Variants in AP1G2 observed in about 807,000 individuals in gnomAD.
AP1G2 encodes AP-1 complex subunit gamma-like 2.
In AP1G2, 85 loss-of-function variants were observed where a neutral mutation model predicts 95.8. That is an observed-to-expected ratio of 0.89 (90% CI 0.74 to 1.06). The LOEUF (loss-of-function observed/expected upper bound fraction) is 1.06. Ranked by LOEUF, AP1G2 falls within the 50% of genes least tolerant of loss-of-function variation. The pLI, the probability that AP1G2 is intolerant of heterozygous loss-of-function variation, is 0.00. For missense variants in AP1G2, 967 were observed against 1,005.8 expected (o/e 0.96, Z 0.52); for synonymous variants, 378 against 400.0 (o/e 0.94, Z 0.66).
intron 14 of AP1G2, chr14:23,562,834 C>A (rs1443741927): frequency 5.2e-6 from 3 of 571,668 alleles, no homozygotes; most frequent in Non-Finnish European, 9.1e-6. Context: ...TGGCAATATC[C>A]CTTTAGGCAG....
intron 7 of AP1G2, 131 bp downstream of exon 7, chr14:23,565,466 GACCCGAGCA>G: frequency 1.3e-6 from 1 of 792,120 alleles, no homozygotes; most frequent in East Asian, 2.7e-5. Context: ...GTCCTGGGAT[GACCCGAGCA>G]ATCCTGTGCC....
At chr14:23,560,168 TCA>T in intron 20 of AP1G2, 85 bp downstream of exon 20, 1 of 1,535,288 alleles carries the variant, frequency 6.5e-7, no homozygotes, top group Non-Finnish European at 8.9e-7. Flanking sequence ...CAATCCCATC[TCA>T]CACTGTCTCC....
chr14:23,562,710 C>T lies in AP1G2; in HGVS notation c.1411-117G>A. 3 of 979,314 alleles carry T rather than the reference C, an allele frequency of 3.1e-6. 1 individual carries two copies. The highest frequency in any genetic ancestry group is 4.5e-6 in the Non-Finnish European group (3 of 673,572). 60.7% of individuals were successfully genotyped at this position (979,314 alleles called of 1,614,324 possible). On this transcript the variant is annotated intron_variant, in intron 14 of 21. Coordinates refer to ENST00000397120, the MANE Select transcript of AP1G2 (RefSeq NM_003917.5). ...TTGAGACCAGGAGTTCAAGACCAGC[C>T]TGGGCAACAAAGCGAGACCCCCCCC...
rs780338735 is a variant in AP1G2, at chr14:23,567,333, G to A, written c.-5-14C>T. On this transcript the variant is annotated splice_polypyrimidine_tract_variant and intron_variant, in intron 1 of 21. Coordinates refer to ENST00000397120, the MANE Select transcript of AP1G2 (RefSeq NM_003917.5). The surrounding 1 kb of genome is among the most constrained non-coding windows in gnomAD (Gnocchi z 5.3). Reference sequence around the variant, plus strand: ...CCACCATCCTGACTGGCAGAGTCCGGGAGTGGAGAAACACTCTCTGGTCGG... The same window carrying A: ...CCACCATCCTGACTGGCAGAGTCCGAGAGTGGAGAAACACTCTCTGGTCGG... The A allele has an allele frequency of 1.2e-6, 2 of 1,609,380 alleles. No individual in the cohort carries two copies. Among genetic ancestry groups the A allele is most frequent in the Middle Eastern group, 1.7e-4 (1 of 5,742 alleles).
chr14:23,562,445 G>A (rs1157204623), intron 15 of AP1G2, 30 bp from the exon 16 acceptor site: 1 of 1,614,050 alleles, frequency 6.2e-7, no homozygotes, highest in South Asian at 1.1e-5. Context: ...TAGTGGCCCT[G>A]GTGCAAGTCC....
In AP1G2 at chr14:23,566,681, C is replaced by T. The variant is rs1488618130; in HGVS notation, c.210G>A (p.Glu70=). The change falls in exon 3 of 22, where the codon GAG becomes GAA. Residue 70 remains glutamate, a synonymous_variant. Coordinates refer to ENST00000397120, the MANE Select transcript of AP1G2 (RefSeq NM_003917.5). ...TGGAGGAGGCGATCAGTTTCAGGCA[C>T]TCCATCTATAGTGAAGGGGGCAGAC... ...LGYPAHFGQM[E]CLKLIASSRF... is the part of the protein sequence containing the mutation. The T allele has an allele frequency of 1.2e-6, 2 of 1,614,164 alleles. No individual in the cohort carries two copies. The highest frequency in any genetic ancestry group is 3.3e-5 in the Admixed American group (2 of 60,024).
At position 23,566,073 on chromosome 14, in the gene AP1G2, G is replaced by A. The variant is rs762507438; in HGVS notation, c.559C>T (p.Arg187Cys). The A allele has an allele frequency of 4.3e-6, 7 of 1,614,022 alleles. No homozygotes were observed. The highest frequency in any genetic ancestry group is 2.2e-5 in the East Asian group (1 of 44,892). The change falls in exon 5 of 22, where the codon CGT becomes TGT. Residue 187 changes from arginine (R) to cysteine (C), a missense_variant. Coordinates refer to ENST00000397120, the MANE Select transcript of AP1G2 (RefSeq NM_003917.5). The stretch of plus-strand genomic sequence containing the variant: ...GGCCCCACAGCCTTACCATGGTGAC[G>A]CTCATGAAGCAGTTGGGCACAGGGT... ...LPPCAQLLHE[R>C]HHGILLGTIT...
intron 20 of AP1G2, 21 bp downstream of exon 20, chr14:23,560,234 T>C (rs553527307): frequency 1.2e-6 from 2 of 1,612,208 alleles, no homozygotes; most frequent in East Asian, 2.2e-5. Flanking sequence ...AGGCCACCTC[T>C]GAACTCTGAT....
Position 23,559,863 on chromosome 14 carries a change from G to T in AP1G2, c.2257-13C>A. 1 of 1,613,976 alleles carries T rather than the reference G, an allele frequency of 6.2e-7. No individual in the cohort carries two copies. The highest frequency in any genetic ancestry group is 8.5e-7 in the Non-Finnish European group (1 of 1,179,970). ...GCCGCAGGGGGGCCTAGGAATAGGA[G>T]AGCAGGGACCAGGGTTAGCACCCAC... On this transcript the variant is annotated splice_polypyrimidine_tract_variant and intron_variant, in intron 21 of 21. Coordinates refer to ENST00000397120, the MANE Select transcript of AP1G2 (RefSeq NM_003917.5).
chr14:23,566,745 C>T (rs1368827315), intron 2 of AP1G2, 59 bp from the exon 3 acceptor site: 1 of 1,591,580 alleles, frequency 6.3e-7, no homozygotes, highest in Non-Finnish European at 8.6e-7. Flanking sequence ...CACTCACATC[C>T]CTGTTCCATC....
Position 23,562,352 on chromosome 14 carries a change from C to T in AP1G2, c.1564G>A (p.Ala522Thr). The stretch of plus-strand genomic sequence containing the variant: ...GCTGTGAGGGCATATCCTCGAGTGG[C>T]TGGCAGGGACATGTGGGACTGCAGC... ...KVLQSHMSLP[A>T]TRGYALTALM... The change falls in exon 16 of 22, where the codon GCC (alanine) becomes ACC (threonine). Residue 522 changes from alanine (A) to threonine (T), a missense_variant. By Grantham distance (58) the Ala-to-Thr change is moderately conservative. Coordinates refer to ENST00000397120, the MANE Select transcript of AP1G2 (RefSeq NM_003917.5). 5 of 1,614,214 alleles carry T rather than the reference C, an allele frequency of 3.1e-6. No homozygotes were observed. The highest frequency in any genetic ancestry group is 4.2e-6 in the Non-Finnish European group (5 of 1,180,022).
Position 23,567,553 on chromosome 14 carries a change from C to A in AP1G2, c.-6+186G>T. The A allele has an allele frequency of 1.5e-6, 2 of 1,319,804 alleles. No individual in the cohort carries two copies. The highest frequency in any genetic ancestry group is 2.8e-4 in the Middle Eastern group (1 of 3,532). 81.8% of individuals were successfully genotyped at this position (1,319,804 alleles called of 1,614,324 possible). ...CCGGCGCCCCTTCCTATTGAGCATG[C>A]GCGGGAGCCCCACCTATTTCTCTCT... On this transcript the variant is annotated intron_variant, in intron 1 of 21. Coordinates refer to ENST00000397120, the MANE Select transcript of AP1G2 (RefSeq NM_003917.5). This position sits in a 1 kb window ranked among gnomAD's most constrained non-coding sequence, Gnocchi z 5.3.
At position 23,566,067 on chromosome 14, in the gene AP1G2, G is replaced by A. The variant is rs776426125; in HGVS notation, c.565C>T (p.His189Tyr). The A allele has an allele frequency of 6.2e-7, 1 of 1,614,166 alleles. No individual in the cohort carries two copies. Among genetic ancestry groups the A allele is most frequent in the African/African-American group, 1.3e-5 (1 of 75,046 alleles). ...ATGGGGGGCCCCACAGCCTTACCATGGTGACGCTCATGAAGCAGTTGGGCA... is the reference window on the plus strand; with the variant it reads ...ATGGGGGGCCCCACAGCCTTACCATAGTGACGCTCATGAAGCAGTTGGGCA... ...PCAQLLHERH[H>Y]GILLGTITLI... Residue 189 changes from histidine to tyrosine, a missense_variant, in exon 5 of 22, where the codon CAT becomes TAT. Physicochemically the swap from His to Tyr is moderately conservative, Grantham distance 83. Transcript: ENST00000397120.
rs764239589 is a variant in AP1G2, at chr14:23,559,782, C to T, written c.2325G>A (p.Glu775=). The T allele has an allele frequency of 6.8e-6, 11 of 1,614,106 alleles. No individual in the cohort carries two copies. Among genetic ancestry groups the T allele is most frequent in the Non-Finnish European group, 9.3e-6 (11 of 1,180,022 alleles). Residue 775 remains glutamate (E), a synonymous_variant, in exon 22 of 22, where the codon GAG becomes GAA. Coordinates refer to ENST00000397120, the MANE Select transcript of AP1G2 (RefSeq NM_003917.5). ...HFHQSVQEIF[E]VNNLPVESWQ is the part of the protein sequence containing the mutation. ...ACGATTCCACAGGCAAGTTGTTCAC[C>T]TCAAAGATCTCCTGCACCGACTGGT...
Position 23,563,581 on chromosome 14 carries a change from CACCGTTGTCAGCACAT to C in AP1G2, c.1274_1287+2del, listed in dbSNP as rs755447663. On this transcript the variant is annotated splice_donor_variant and coding_sequence_variant, in exon 13 of 22. Transcript: ENST00000397120. LOFTEE classifies it high-confidence loss of function. ...CCAGCTCTCTGACTGGCCCCTGCCTCACCGTTGTCAGCACATGCAGGATGGTGTCTATGTGCCAGCG... is the reference window on the plus strand; with the variant it reads ...CCAGCTCTCTGACTGGCCCCTGCCTCGCAGGATGGTGTCTATGTGCCAGCG... The C allele has an allele frequency of 1.2e-6, 2 of 1,614,262 alleles. No homozygotes were observed. Among genetic ancestry groups the C allele is most frequent in the East Asian group, 4.5e-5 (2 of 44,890 alleles).
chr14:23,565,265 G>A, intron 7 of AP1G2, 66 bp from the exon 8 acceptor site: 2 of 1,509,944 alleles, frequency 1.3e-6, no homozygotes, highest in Non-Finnish European at 1.8e-6. Flanking sequence ...GGGCTGAGGA[G>A]AAAACTCCAA....
In AP1G2 at chr14:23,562,018, C is replaced by A. The variant is rs1256861409; in HGVS notation, c.1677G>T (p.Glu559Asp). The change falls in exon 17 of 22, where the codon GAG (glutamate) becomes GAT (aspartate). Residue 559 changes from glutamate (E) to aspartate (D), a missense_variant. By Grantham distance (45) the Glu-to-Asp change is conservative. Transcript: ENST00000397120. ...CATACTCCACAGCCCGCTGCTGCAGCTCCACGTCCAAGCAGCTCCCGTAGA... is the reference window on the plus strand; with the variant it reads ...CATACTCCACAGCCCGCTGCTGCAGATCCACGTCCAAGCAGCTCCCGTAGA... ...VSIYGSCLDV[E>D]LQQRAVEYDT... 1 of 1,613,716 alleles carries A rather than the reference C, an allele frequency of 6.2e-7. No individual in the cohort carries two copies. Among genetic ancestry groups the A allele is most frequent in the Non-Finnish European group, 8.5e-7 (1 of 1,179,882 alleles).
At chr14:23,563,049 G>A in intron 14 of AP1G2, 1 of 1,231,932 alleles carries the variant, frequency 8.1e-7, no homozygotes. Flanking sequence ...TATAGATACT[G>A]GCTGGCATCT....
Position 23,564,025 on chromosome 14 carries a change from G to A in AP1G2, c.1091+21C>T, listed in dbSNP as rs748747639. On this transcript the variant is annotated intron_variant, in intron 11 of 21. Transcript: ENST00000397120. ...CTGGGAACCTCTGCCCTGCCCTCCT[G>A]TCCCCTCTATCACTGCTCACCGGCT... 18 of 1,613,396 alleles carry A rather than the reference G, an allele frequency of 1.1e-5. No homozygotes were observed. The African/African-American group carries it at 2.4e-4, about 22-fold the overall frequency.
Sources: allele counts gnomAD v4.1 joint callset, GRCh38; gene constraint gnomAD v4.1.1; non-coding constraint Gnocchi (gnomAD v3.1); transcripts MANE v1.5; gene names NCBI Gene and HGNC (gene_info 2026-07-23, HGNC 2026-07-21).